Variants in NAV3 observed in about 807,000 individuals in gnomAD.
NAV3 encodes neuron navigator 3, also known as pore membrane and/or filament interacting like protein 1.
A neutral mutation model predicts 244.7 loss-of-function variants in NAV3; 87 were observed. That is an observed-to-expected ratio of 0.36 (90% CI 0.30 to 0.42). The LOEUF (loss-of-function observed/expected upper bound fraction) is 0.42, where lower values mean the gene tolerates loss of function less well. Ranked by LOEUF, NAV3 falls within the 20% of genes least tolerant of loss-of-function variation. The pLI is 1.00. For missense variants in NAV3, 2,663 were observed against 2,893.3 expected (o/e 0.92, Z 1.83); for synonymous variants, 1,126 against 1,042.2 (o/e 1.08, Z -1.55).
intron 12 of NAV3, among the ~76,000 whole-genome samples, chr12:78,075,694 G>A (rs192644303): frequency 1.2e-4 from 19 of 152,256 alleles, no homozygotes; most frequent in Non-Finnish European, 1.9e-4. Flanking sequence ...TACCTGAAAC[G>A]GTTTGGGGAA....
chr12:77,766,790 G>T (rs1869794842), intron 2 of NAV3, among the ~76,000 whole-genome samples: 1 of 117,804 alleles, frequency 8.5e-6, no homozygotes. Context: ...GTCTCGCTCT[G>T]TCACCCAGGC....
At chr12:77,823,680 T>C (rs1592714183) in intron 2 of NAV3, among the ~76,000 whole-genome samples, 2 of 152,186 alleles carry the variant, frequency 1.3e-5, no homozygotes, top group South Asian at 2.1e-4. Flanking sequence ...AAATCCAGTA[T>C]ACAAGTGTAC....
chr12:77,808,986 C>A (rs1354180434), intron 2 of NAV3, among the ~76,000 whole-genome samples: 1 of 152,140 alleles, frequency 6.6e-6, no homozygotes, highest in African/African-American at 2.4e-5. Context: ...AGGGGAAAAC[C>A]ACCTACTCAA....
rs746040785 is a variant in NAV3 at position 77,966,239 on chromosome 12, T to C, written c.425T>C (p.Val142Ala). 6.2e-7 allele frequency: 1 copy of C among 1,613,696 alleles called. No homozygotes were observed. Among genetic ancestry groups the C allele is most frequent in the Non-Finnish European group, 8.5e-7 (1 of 1,179,772 alleles). The change falls in exon 4 of 40, where the codon GTT (valine) becomes GCT (alanine). Residue 142 changes from valine to alanine, a missense_variant. Coordinates refer to ENST00000397909, the MANE Select transcript of NAV3 (RefSeq NM_001024383.2). ...PRSQSQMIEN[V>A]DVCLSFLAAR... ...CTTTTCATGTTGCAGATTGAAAATG[T>C]TGATGTCTGCCTTAGTTTTCTAGCA...
At chr12:77,911,631 G>A (rs994627290) in intron 1 of NAV3, among the ~76,000 whole-genome samples, 3 of 152,004 alleles carry the variant, frequency 2.0e-5, no homozygotes, top group African/African-American at 7.2e-5. Flanking sequence ...AATACCTACA[G>A]ATGGATGGAG....
At position 78,086,581 on chromosome 12, in the gene NAV3, C is replaced by T. The variant is rs540067067; in HGVS notation, c.2636+27466C>T. ...TGTTGGACAATGTGGATACTATTTACCTGCAACCTCTTAAATTTGTATGCC... is the reference window on the plus strand; with the variant it reads ...TGTTGGACAATGTGGATACTATTTATCTGCAACCTCTTAAATTTGTATGCC... On this transcript the variant is annotated intron_variant, in intron 12 of 39. Coordinates refer to ENST00000397909, the MANE Select transcript of NAV3 (RefSeq NM_001024383.2). Among the ~76,000 whole-genome samples, 11 of 152,034 alleles carry T rather than the reference C, an allele frequency of 7.2e-5. No homozygotes were observed. In the East Asian group the frequency reaches 2.1e-3, roughly 29 times the overall value.
chr12:78,075,124 T>C (rs531512222), intron 12 of NAV3, among the ~76,000 whole-genome samples: 12 of 152,340 alleles, frequency 7.9e-5, no homozygotes, highest in African/African-American at 2.2e-4. Flanking sequence ...TTACTTTCCC[T>C]GTATATCTGA....
intron 2 of NAV3, among the ~76,000 whole-genome samples, chr12:77,674,811 A>G (rs1874137606): frequency 6.6e-6 from 1 of 152,220 alleles, no homozygotes; most frequent in Non-Finnish European, 1.5e-5. Context: ...GTGAAGATAT[A>G]TTGGTGACCA....
intron 3 of NAV3, among the ~76,000 whole-genome samples, chr12:77,942,163 G>A (rs1444430968): frequency 1.3e-5 from 2 of 152,224 alleles, no homozygotes; most frequent in Admixed American, 6.5e-5. Flanking sequence ...ACCTGAGGTC[G>A]GGAGTTCGAG....
intron 1 of NAV3, among the ~76,000 whole-genome samples, chr12:77,869,779 A>C (rs1376294805): frequency 6.6e-6 from 1 of 152,130 alleles, no homozygotes; most frequent in Non-Finnish European, 1.5e-5. Flanking sequence ...TTATCTGTTG[A>C]ATATCTTTCT....
At chr12:77,932,644 T>C (rs1018847152) in intron 1 of NAV3, among the ~76,000 whole-genome samples, 3 of 152,180 alleles carry the variant, frequency 2.0e-5, no homozygotes, top group African/African-American at 7.2e-5. Context: ...CTTTCTTGAC[T>C]CTAAACTTGA....
rs529204047 is a variant in NAV3 at position 77,649,215 on chromosome 12, A to G, written c.72+76949A>G. Among the ~76,000 whole-genome samples, 5 of 152,288 alleles carry G rather than the reference A, an allele frequency of 3.3e-5. No homozygotes were observed. In the South Asian group the frequency reaches 8.3e-4, roughly 25 times the overall value. Reference sequence around the variant, plus strand: ...AATGAATATTTCTTGAGCTTCTACTATATGGTAGACATACCGCTAAGCATT... The same window carrying G: ...AATGAATATTTCTTGAGCTTCTACTGTATGGTAGACATACCGCTAAGCATT... On this transcript the variant is annotated intron_variant, in intron 2 of 8. Transcript: ENST00000550042.
intron 1 of NAV3, among the ~76,000 whole-genome samples, chr12:77,860,129 G>A (rs534472434): frequency 3.1e-4 from 47 of 151,784 alleles, no homozygotes; most frequent in Non-Finnish European, 5.6e-4. Context: ...AGCCAAACGC[G>A]TAAAATATAT....
chr12:77,724,434 T>C (rs1565787556), intron 2 of NAV3, among the ~76,000 whole-genome samples: 2 of 152,066 alleles, frequency 1.3e-5, no homozygotes, highest in East Asian at 3.9e-4. Context: ...ACAAAAAAAT[T>C]AAAAAACATA....
At chr12:78,010,072 CTG>C (rs936981316) in intron 8 of NAV3, among the ~76,000 whole-genome samples, 3 of 152,080 alleles carry the variant, frequency 2.0e-5, no homozygotes, top group African/African-American at 7.2e-5. Flanking sequence ...TAAATTAAAA[CTG>C]TCTCATAAAA....
chr12:78,179,375 G>C, intron 28 of NAV3, 154 bp from the exon 29 acceptor site: 1 of 749,426 alleles, frequency 1.3e-6, no homozygotes, highest in Admixed American at 3.4e-5. Context: ...ATAACCGTTT[G>C]TAAAACTCCT....
intron 24 of NAV3, among the ~76,000 whole-genome samples, chr12:78,173,142 C>T (rs1958074209): frequency 6.6e-6 from 1 of 151,582 alleles, no homozygotes; most frequent in Non-Finnish European, 1.5e-5. Context: ...CCATTCTTTA[C>T]TGAACTTTAT....
chr12:78,133,535 C>G (rs1424039831), intron 18 of NAV3, among the ~76,000 whole-genome samples: 2 of 151,564 alleles, frequency 1.3e-5, no homozygotes, highest in African/African-American at 2.4e-5. Flanking sequence ...TTGCAGTATT[C>G]ATGTTTTCTT....
At chr12:78,058,517 G>A (rs897580274) in intron 11 of NAV3, among the ~76,000 whole-genome samples, 2 of 151,990 alleles carry the variant, frequency 1.3e-5, no homozygotes, top group African/African-American at 2.4e-5. Context: ...AGTTGTGACA[G>A]TGCAGTGACA....
Sources: allele counts gnomAD v4.1 joint callset (sites outside exome capture counted in the v4.1 genomes callset), GRCh38; gene constraint gnomAD v4.1.1; transcripts MANE v1.5; gene names NCBI Gene and HGNC (gene_info 2026-07-23, HGNC 2026-07-21).